The following RAMP1 variants were observed in gnomAD, a reference collection of about 807,000 sequenced individuals.
RAMP1 encodes the protein receptor activity modifying protein 1.
In RAMP1, 7 loss-of-function variants were observed where a neutral mutation model predicts 8.2. The ratio of observed to expected loss-of-function variants is 0.85; its 90% CI spans 0.49 to 1.60. RAMP1 has a LOEUF of 1.60. RAMP1 is among the 40% of genes most tolerant of loss of function. RAMP1 has a pLI of 0.00. For missense variants in RAMP1, 192 were observed against 202.4 expected, an observed-to-expected ratio of 0.95 and a Z score of 0.31; for synonymous variants, 92 against 84.7, an observed-to-expected ratio of 1.09 and a Z score of -0.47.
intron 2 of RAMP1, among the ~76,000 whole-genome samples, chr2:237,902,218 G>A (rs1303208722): frequency 6.6e-6 from 1 of 151,796 alleles, no homozygotes; most frequent in Non-Finnish European, 1.5e-5. Context: ...GCCACCCGGA[G>A]CAAGGCTGGA....
At chr2:237,886,917 T>C (rs2062439578) in intron 2 of RAMP1, among the ~76,000 whole-genome samples, 1 of 152,196 alleles carries the variant, frequency 6.6e-6, no homozygotes, top group Non-Finnish European at 1.5e-5. Flanking sequence ...TAGCTCAGCA[T>C]CCACCCCCGC....
intron 2 of RAMP1, among the ~76,000 whole-genome samples, chr2:237,885,009 AG>A (rs1449780563): frequency 1.3e-5 from 2 of 152,210 alleles, no homozygotes; most frequent in Non-Finnish European, 2.9e-5. Flanking sequence ...CAGCATGGCC[AG>A]CGCCAGGCAT....
chr2:237,911,843 G>A lies in RAMP1; in HGVS notation c.*60G>A. 1 of 1,525,206 alleles carries A rather than the reference G, an allele frequency of 6.6e-7. No homozygotes were observed. The highest frequency in any genetic ancestry group is 2.5e-5 in the East Asian group (1 of 40,744). The allele number at this position is 1,525,206 out of a possible 1,614,324, so 94.5% of individuals were successfully genotyped here. On this transcript the variant is annotated 3_prime_UTR_variant, in exon 3 of 3. Transcript: ENST00000254661. ...TGCAGGGTGAGGCCAGGCAGGCCTG[G>A]GTAGGGGCAGCTTCTGGAGCCTTGG... is the stretch of plus-strand genomic sequence containing the variant.
intron 1 of RAMP1, among the ~76,000 whole-genome samples, chr2:237,864,965 A>G (rs2062172185): frequency 6.6e-6 from 1 of 152,148 alleles, no homozygotes; most frequent in South Asian, 2.1e-4. Context: ...GTGCTGGAGG[A>G]AAGACCCATT....
intron 1 of RAMP1, 104 bp downstream of exon 1, chr2:237,859,831 G>T (rs1242590315): frequency 9.2e-7 from 1 of 1,087,862 alleles, no homozygotes. Context: ...AGCGGGTGGG[G>T]GCGGGCGCCG....
At chr2:237,872,234 C>T (rs2062253642) in intron 1 of RAMP1, among the ~76,000 whole-genome samples, 1 of 152,214 alleles carries the variant, frequency 6.6e-6, no homozygotes, top group African/African-American at 2.4e-5. Flanking sequence ...GCAGCCTATT[C>T]TCGGCCTGCC....
intron 2 of RAMP1, among the ~76,000 whole-genome samples, chr2:237,885,592 G>A (rs1234125620): frequency 1.3e-5 from 2 of 152,226 alleles, no homozygotes; most frequent in Admixed American, 6.5e-5. Context: ...CTCAGGCGTG[G>A]ACAGGACAGA....
Position 237,911,649 on chromosome 2 carries a change from C to T in RAMP1, c.313C>T (p.Pro105Ser). 6.2e-7 allele frequency: 1 copy of T among 1,614,106 alleles called. No homozygotes were observed. The highest frequency in any genetic ancestry group is 1.1e-5 in the South Asian group (1 of 91,086). The change falls in exon 3 of 3, where the codon CCC (proline) becomes TCC (serine). Residue 105 changes from proline (P) to serine (S), a missense_variant. Coordinates refer to ENST00000254661, the MANE Select transcript of RAMP1 (RefSeq NM_005855.4). ...AVHGRYFRSCPISGRAVRDPP... is the reference protein window; with the variant it reads ...AVHGRYFRSCSISGRAVRDPP... ...GCATGGCCGCTACTTCAGGAGCTGC[C>T]CCATCTCAGGCAGGGCCGTGCGGGA...
chr2:237,873,752 C>A (rs2062270431), intron 1 of RAMP1, among the ~76,000 whole-genome samples: 1 of 152,354 alleles, frequency 6.6e-6, no homozygotes, highest in South Asian at 2.1e-4. Context: ...TGTTTTAAAA[C>A]TTTGGCAATT....
chr2:237,865,989 C>A lies in RAMP1; in HGVS notation c.52+6262C>A, dbSNP rs1172393286. The stretch of plus-strand genomic sequence containing the variant: ...GCCTTATGGTTCTAAACACACAAAC[C>A]TTTGATGCATCTGGAATTTACCTTA... On this transcript the variant is annotated intron_variant, in intron 1 of 2. Transcript: ENST00000254661. The surrounding 1 kb of genome is among the most constrained non-coding windows in gnomAD (Gnocchi z 4.2). Among the ~76,000 whole-genome samples the A allele has an allele frequency of 6.6e-6, 1 of 152,202 alleles. No homozygotes were observed. Among genetic ancestry groups the A allele is most frequent in the Non-Finnish European group, 1.5e-5 (1 of 68,044 alleles).
intron 1 of RAMP1, among the ~76,000 whole-genome samples, chr2:237,875,186 G>A (rs2062288922): frequency 6.6e-6 from 1 of 152,152 alleles, no homozygotes; most frequent in African/African-American, 2.4e-5. Flanking sequence ...GATGGGGCAG[G>A]TGTCAGAAAT....
intron 1 of RAMP1, among the ~76,000 whole-genome samples, chr2:237,875,016 G>T: frequency 6.6e-6 from 1 of 152,282 alleles, no homozygotes; most frequent in African/African-American, 2.4e-5. Context: ...GCCAGGAGCA[G>T]TGAGGGATAA....
At chr2:237,898,710 C>T (rs763818792) in intron 2 of RAMP1, among the ~76,000 whole-genome samples, 6 of 152,376 alleles carry the variant, frequency 3.9e-5, no homozygotes, top group South Asian at 2.1e-4. Flanking sequence ...AGCTCACACA[C>T]GCAGACGTAG....
At chr2:237,893,855 T>C (rs1484382605) in intron 2 of RAMP1, among the ~76,000 whole-genome samples, 1 of 151,606 alleles carries the variant, frequency 6.6e-6, no homozygotes, top group Non-Finnish European at 1.5e-5. Context: ...AGAGAATTGC[T>C]CTCGAACCCA....
chr2:237,904,396 G>A (rs1356579353), intron 2 of RAMP1, among the ~76,000 whole-genome samples: 1 of 151,964 alleles, frequency 6.6e-6, no homozygotes, highest in Non-Finnish European at 1.5e-5. Context: ...TCCATCCTGG[G>A]CAACAGAGCA....
chr2:237,894,423 C>T (rs1330814278), intron 2 of RAMP1, among the ~76,000 whole-genome samples: 2 of 152,164 alleles, frequency 1.3e-5, no homozygotes, highest in African/African-American at 4.8e-5. Context: ...CAGGAGGAGC[C>T]GGGGGCAGTG....
intron 2 of RAMP1, among the ~76,000 whole-genome samples, chr2:237,909,422 T>C (rs74416628): frequency 1.4e-3 from 206 of 152,250 alleles, no homozygotes; most frequent in African/African-American, 4.7e-3. Context: ...TATCATGGAA[T>C]GGTGACAACA....
rs1300096620 is a variant in RAMP1 at position 237,865,813 on chromosome 2, G to A, written c.52+6086G>A. Among the ~76,000 whole-genome samples, 1 of 152,134 alleles carries A rather than the reference G, an allele frequency of 6.6e-6. No individual in the cohort carries two copies. The highest frequency in any genetic ancestry group is 1.5e-5 in the Non-Finnish European group (1 of 68,028). Reference sequence around the variant, plus strand: ...CCAGGGAGGACAGAGAAGGAAACGGGCCCCAGGCACCACTGGGCACCTTGA... The same window carrying A: ...CCAGGGAGGACAGAGAAGGAAACGGACCCCAGGCACCACTGGGCACCTTGA... On this transcript the variant is annotated intron_variant, in intron 1 of 2. Coordinates refer to ENST00000254661, the MANE Select transcript of RAMP1 (RefSeq NM_005855.4). The surrounding 1 kb of genome is among the most constrained non-coding windows in gnomAD (Gnocchi z 4.2).
intron 2 of RAMP1, among the ~76,000 whole-genome samples, chr2:237,879,584 CACCCATTAACTCGTCATTTAAT>C (rs988901096): frequency 8.0e-6 from 1 of 125,124 alleles, no homozygotes; most frequent in Non-Finnish European, 1.6e-5. Flanking sequence ...TGGTGTGCTG[CACCCATTAACTCGTCATTTAAT>C]GGGTTCAGCA....
Sources: allele counts gnomAD v4.1 joint callset (sites outside exome capture counted in the v4.1 genomes callset), GRCh38; gene constraint gnomAD v4.1.1; non-coding constraint Gnocchi (gnomAD v3.1); transcripts MANE v1.5; gene names NCBI Gene and HGNC (gene_info 2026-07-23, HGNC 2026-07-21).